NOS1: variants seen among roughly 807,000 people sequenced by gnomAD.
The protein encoded by NOS1 is nitric oxide synthase 1.
A neutral mutation model predicts 164.5 loss-of-function variants in NOS1; 51 were observed. The ratio of observed to expected loss-of-function variants is 0.31; its 90% confidence interval spans 0.25 to 0.39. The LOEUF (loss-of-function observed/expected upper bound fraction) is 0.39. Ranked by LOEUF, NOS1 falls within the 10% of genes least tolerant of loss-of-function variation. The pLI is 1.00. For synonymous variants in NOS1, 719 were observed against 745.8 expected, an observed-to-expected ratio of 0.96 and a Z score of 0.59; for missense variants, 1,362 against 1,885.6, an observed-to-expected ratio of 0.72 and a Z score of 5.14.
At chr12:117,283,057 T>TATATATATA (rs59524855) in intron 7 of NOS1, among the ~76,000 whole-genome samples, 8 of 32,230 alleles carry the variant, frequency 2.5e-4, no homozygotes, top group African/African-American at 5.9e-4. Flanking sequence ...TATATATATA[T>TATATATATA]TTTTTTTTTT....
In NOS1 at chr12:117,326,211, C is replaced by T. The variant is rs778264691; in HGVS notation, c.725+4134G>A. Reference sequence around the variant, plus strand: ...GACCAGCCTGGCCAACATGGCGAAACGCTGTCTCTACTAAAAATACAAAAA... The same window carrying T: ...GACCAGCCTGGCCAACATGGCGAAATGCTGTCTCTACTAAAAATACAAAAA... On this transcript the variant is annotated intron_variant, in intron 2 of 28. Coordinates refer to ENST00000317775, the MANE Select transcript of NOS1 (RefSeq NM_000620.5). Among the ~76,000 whole-genome samples the T allele has an allele frequency of 3.5e-4, 53 of 152,070 alleles. 1 individual carries two copies. The highest frequency in any genetic ancestry group is 1.2e-3 in the Admixed American group (19 of 15,300).
In NOS1 at chr12:117,255,557, T is replaced by C. The variant is rs146180140; in HGVS notation, c.2532-1803A>G. On this transcript the variant is annotated intron_variant, in intron 16 of 28. Transcript: ENST00000317775. ...CCTAAAATAGTCTCACATTGAGTCA[T>C]GCAATATATCAGGGGGTGGCTGTGT... Among the ~76,000 whole-genome samples, 9 of 152,330 alleles carry C rather than the reference T, an allele frequency of 5.9e-5. No homozygotes were observed. In the East Asian group the frequency reaches 1.5e-3, roughly 26 times the overall value.
chr12:117,218,186 A>G (rs373798856), intron 27 of NOS1, 22 bp from the exon 28 acceptor site: 24 of 1,565,052 alleles, frequency 1.5e-5, no homozygotes, highest in Non-Finnish European at 1.8e-5. Context: ...AAACAGCCAG[A>G]AAACAGCTCT....
chr12:117,299,635 CAA>C (rs35293946), intron 3 of NOS1, among the ~76,000 whole-genome samples: 11 of 89,190 alleles, frequency 1.2e-4, no homozygotes, highest in Admixed American at 1.4e-4. Context: ...ACTTTGTCTC[CAA>C]AAAAAAAAAA....
At chr12:117,258,971 C>T (rs569990188) in intron 15 of NOS1, 55 bp downstream of exon 15, 4 of 1,322,030 alleles carry the variant, frequency 3.0e-6, no homozygotes, top group African/African-American at 1.4e-5. Flanking sequence ...ACCTTGGCCC[C>T]TACTTCTTCC....
At chr12:117,344,079 T>C (rs1335574577) in intron 1 of NOS1, among the ~76,000 whole-genome samples, 1 of 152,218 alleles carries the variant, frequency 6.6e-6, no homozygotes, top group African/African-American at 2.4e-5. Context: ...ACTCTTCAAT[T>C]GTATAAAATG....
chr12:117,211,773 T>C lies in NOS1; in HGVS notation c.*3536A>G, dbSNP rs1317941085. ...AAGACGGGTGTCTCTCTCCATCAGATTATAACCTTTGGCTGGGCGTGGTGG... is the reference window on the plus strand; with the variant it reads ...AAGACGGGTGTCTCTCTCCATCAGACTATAACCTTTGGCTGGGCGTGGTGG... On this transcript the variant is annotated 3_prime_UTR_variant, in exon 29 of 29. Transcript: ENST00000317775. The C allele has an allele frequency of 3.0e-6, 3 of 985,342 alleles. No homozygotes were observed. Among genetic ancestry groups the C allele is most frequent in the Non-Finnish European group, 3.6e-6 (3 of 829,936 alleles). 61.0% of individuals were successfully genotyped at this position (985,342 alleles called of 1,614,324 possible). A position where few individuals can be genotyped will look rare whatever the true frequency, so the allele number is the denominator to read the frequency against.
At chr12:117,271,523 C>G (rs758727904) in intron 10 of NOS1, among the ~76,000 whole-genome samples, 18 of 152,190 alleles carry the variant, frequency 1.2e-4, no homozygotes, top group Non-Finnish European at 2.6e-4. Flanking sequence ...ATCAGCCTGC[C>G]TCGGCCTCCC....
chr12:117,306,884 T>C (rs769226826), intron 3 of NOS1, among the ~76,000 whole-genome samples: 3 of 152,206 alleles, frequency 2.0e-5, no homozygotes, highest in Non-Finnish European at 4.4e-5. Context: ...CCTCCCAAAG[T>C]GCTGGGATTA....
intron 2 of NOS1, among the ~76,000 whole-genome samples, chr12:117,324,504 C>T (rs12314981): frequency 1.4e-4 from 22 of 152,164 alleles, no homozygotes; most frequent in Middle Eastern, 3.4e-3. Context: ...CTGAGGCGGG[C>T]GGATAATTTG....
Position 117,212,175 on chromosome 12 carries a change from A to C in NOS1, c.*3134T>G, listed in dbSNP as rs1262344789. On this transcript the variant is annotated 3_prime_UTR_variant, in exon 29 of 29. Transcript: ENST00000317775. ...GGAGAAGCAAGACATGTTATAAGTT[A>C]AGTGAAAAATTAAAATGCAGTAAGT... 1 of 985,282 alleles carries C rather than the reference A, an allele frequency of 1.0e-6. No individual in the cohort carries two copies. Among genetic ancestry groups the C allele is most frequent in the African/African-American group, 1.7e-5 (1 of 57,254 alleles). The allele number at this position is 985,282 out of a possible 1,614,324, so 61.0% of individuals were successfully genotyped here.
At chr12:117,345,982 G>A (rs1876332166) in intron 1 of NOS1, among the ~76,000 whole-genome samples, 1 of 152,264 alleles carries the variant, frequency 6.6e-6, no homozygotes, top group African/African-American at 2.4e-5. Flanking sequence ...CCCTGTGAGA[G>A]GTGAGAGGGA....
At position 117,289,512 on chromosome 12, in the gene NOS1, G is replaced by C. The variant is rs113973643; in HGVS notation, c.981+786C>G. Among the ~76,000 whole-genome samples, 85 of 152,306 alleles carry C rather than the reference G, an allele frequency of 5.6e-4. 1 individual carries two copies. The highest frequency in any genetic ancestry group is 1.8e-3 in the African/African-American group (73 of 41,566). On this transcript the variant is annotated intron_variant, in intron 4 of 28. Transcript: ENST00000317775. ...AGGGGCTTCTGGCCAAGTTAGGTTA[G>C]GAGCACTCTTTATTGTTTTTCTTTA...
chr12:117,268,288 T>A (rs1872564515), intron 10 of NOS1, 144 bp from the exon 11 acceptor site: 2 of 634,652 alleles, frequency 3.2e-6, no homozygotes, highest in South Asian at 3.4e-5. Flanking sequence ...TGGAGTGCAG[T>A]GGTGTGATCT....
At chr12:117,354,336 G>A (rs1157757387) in intron 1 of NOS1, among the ~76,000 whole-genome samples, 1 of 152,194 alleles carries the variant, frequency 6.6e-6, no homozygotes, top group Non-Finnish European at 1.5e-5. Flanking sequence ...GAAAGAAAGA[G>A]ATTCCATTTC....
At chr12:117,255,554 T>G (rs1216851980) in intron 16 of NOS1, among the ~76,000 whole-genome samples, 5 of 152,196 alleles carry the variant, frequency 3.3e-5, no homozygotes, top group African/African-American at 1.2e-4. Context: ...TCACATTGAG[T>G]CATGCAATAT....
intron 2 of NOS1, among the ~76,000 whole-genome samples, chr12:117,322,589 C>T (rs549304958): frequency 2.4e-5 from 3 of 123,356 alleles, no homozygotes; most frequent in African/African-American, 9.2e-5. Context: ...CTCTTTTCTT[C>T]TTTCCCTCCC....
intron 1 of NOS1, among the ~76,000 whole-genome samples, chr12:117,331,846 T>C (rs1474934291): frequency 1.3e-5 from 2 of 152,206 alleles, no homozygotes; most frequent in African/African-American, 4.8e-5. Flanking sequence ...TTGTCAAGCA[T>C]TCTAGTTGCT....
At chr12:117,268,335 ATTCTCCT>A (rs1319749163) in intron 10 of NOS1, among the ~76,000 whole-genome samples, 191 bp from the exon 11 acceptor site, 1 of 151,568 alleles carries the variant, frequency 6.6e-6, no homozygotes, top group African/African-American at 2.4e-5. Context: ...CATTCAAGCG[ATTCTCCT>A]GCCTCAGCCT....
Sources: allele counts gnomAD v4.1 joint callset (sites outside exome capture counted in the v4.1 genomes callset), GRCh38; gene constraint gnomAD v4.1.1; transcripts MANE v1.5; gene names NCBI Gene and HGNC (gene_info 2026-07-23, HGNC 2026-07-21).